FMN1: variants seen among roughly 807,000 people sequenced by gnomAD.
The protein encoded by FMN1 is formin 1.
A neutral mutation model predicts 132.4 loss-of-function variants in FMN1; 110 were observed. The observed-to-expected ratio is 0.83, with a 90% confidence interval of 0.71 to 0.97. FMN1 has a LOEUF of 0.97. FMN1 is among the 50% of genes least tolerant of loss of function. The pLI is 0.00. For synonymous variants in FMN1, 722 were observed against 651.7 expected (o/e 1.11, Z -1.64); for missense variants, 1,792 against 1,705.3 (o/e 1.05, Z -0.90).
intron 19 of FMN1, among the ~76,000 whole-genome samples, chr15:32,794,179 A>C (rs201064226): frequency 1.3e-5 from 2 of 148,256 alleles, no homozygotes; most frequent in Admixed American, 6.8e-5. Context: ...AATAAAAAAA[A>C]CAGCCCCCTC....
chr15:32,996,533 G>C (rs1161633154), intron 7 of FMN1, among the ~76,000 whole-genome samples: 3 of 152,180 alleles, frequency 2.0e-5, no homozygotes, highest in Admixed American at 6.5e-5. Flanking sequence ...AGATCTTCCA[G>C]AGGCAGTTCA....
intron 4 of FMN1, among the ~76,000 whole-genome samples, chr15:33,124,707 A>C (rs375668655): frequency 6.6e-6 from 1 of 152,164 alleles, no homozygotes; most frequent in East Asian, 1.9e-4. Flanking sequence ...TGATCCACAA[A>C]GTCTGGAAGG....
intron 6 of FMN1, among the ~76,000 whole-genome samples, chr15:33,061,462 C>T (rs900807095): frequency 2.6e-5 from 4 of 151,644 alleles, no homozygotes; most frequent in Non-Finnish European, 4.4e-5. Context: ...TAAATAAATA[C>T]CATACATTTA....
intron 6 of FMN1, among the ~76,000 whole-genome samples, chr15:33,013,362 T>TA (rs1398184575): frequency 6.6e-6 from 1 of 152,208 alleles, no homozygotes; most frequent in Non-Finnish European, 1.5e-5. Flanking sequence ...TATCAATTGC[T>TA]AAATGTAATA....
chr15:33,154,450 C>T lies in FMN1; in HGVS notation c.465G>A (p.Gly155=), dbSNP rs1964586111. 1.3e-6 allele frequency: 2 copies of T among 1,536,106 alleles called. No homozygotes were observed. The highest frequency in any genetic ancestry group is 2.0e-5 in the Admixed American group (1 of 51,006). The change falls in exon 4 of 21, where the codon GGG becomes GGA. Residue 155 remains glycine, a synonymous_variant. Transcript: ENST00000616417. Reference sequence around the variant, plus strand: ...CACTAGACCTCCGAGGCTTTTTGTTCCCGTGGGTGCTCCTCTTATTGAGAG... The same window carrying T: ...CACTAGACCTCCGAGGCTTTTTGTTTCCGTGGGTGCTCCTCTTATTGAGAG... The part of the protein sequence containing the change: ...VGPLNKRSTH[G]NKKPRRSSGR...
chr15:32,958,191 A>G (rs147445624), intron 9 of FMN1, among the ~76,000 whole-genome samples: 21 of 152,272 alleles, frequency 1.4e-4, no homozygotes, highest in African/African-American at 4.1e-4. Flanking sequence ...TAATTACACA[A>G]TGTAGGAAAT....
intron 16 of FMN1, among the ~76,000 whole-genome samples, chr15:32,885,341 A>C (rs542591657): frequency 6.6e-6 from 1 of 152,194 alleles, no homozygotes; most frequent in South Asian, 2.1e-4. Flanking sequence ...TTTTTTCTTC[A>C]TGAGGCTTCA....
In FMN1 at chr15:33,079,138, C is replaced by T. The variant is rs147827828; in HGVS notation, c.2043+9661G>A. Among the ~76,000 whole-genome samples, 557 of 152,178 alleles carry T rather than the reference C, an allele frequency of 3.7e-3. 3 individuals are homozygous for T. Among genetic ancestry groups the T allele is most frequent in the African/African-American group, 0.013 (520 of 41,492 alleles). ...TCTCTCTGGCTTTGGAAGTATAATA[C>T]AGAGTTTTCTCTGTATATACCCTCA... is the stretch of plus-strand genomic sequence containing the variant. On this transcript the variant is annotated intron_variant, in intron 5 of 20. Transcript: ENST00000616417.
At chr15:32,843,846 G>A (rs1014656933) in intron 17 of FMN1, among the ~76,000 whole-genome samples, 1 of 152,166 alleles carries the variant, frequency 6.6e-6, no homozygotes, top group Admixed American at 6.5e-5. Context: ...TGAGCACTCA[G>A]GTTTTGCTAA....
chr15:32,794,921 C>T (rs1595929005), intron 19 of FMN1, among the ~76,000 whole-genome samples: 2 of 152,154 alleles, frequency 1.3e-5, no homozygotes, highest in Non-Finnish European at 2.9e-5. Context: ...TAGGATCAGG[C>T]GTGGTGGCTC....
intron 9 of FMN1, among the ~76,000 whole-genome samples, chr15:32,946,526 G>A (rs762696039): frequency 3.3e-5 from 5 of 152,132 alleles, no homozygotes; most frequent in Non-Finnish European, 5.9e-5. Context: ...TTGCAACAAG[G>A]GAATAGCCTT....
rs983779727 is a variant in FMN1 at position 32,766,310 on chromosome 15, G to A, written c.*8000C>T. The A allele has an allele frequency of 6.6e-6, 1 of 152,194 alleles. No individual in the cohort carries two copies. The highest frequency in any genetic ancestry group is 2.4e-5 in the African/African-American group (1 of 41,448). The allele number at this position is 152,194 out of a possible 1,614,324, so 9.4% of individuals were successfully genotyped here. A position where few individuals can be genotyped will look rare whatever the true frequency, so the allele number is the denominator to read the frequency against. ...GTAGATGTTTGAATCATGAATAGTA[G>A]TAAGAATGGAGCGGCAATAAAAATC... On this transcript the variant is annotated 3_prime_UTR_variant, in exon 21 of 21. Transcript: ENST00000616417.
At chr15:33,191,031 G>A (rs147194697) in intron 2 of FMN1, among the ~76,000 whole-genome samples, 2,310 of 152,198 alleles carry the variant, frequency 0.015, 61 homozygotes, top group African/African-American at 0.053. Flanking sequence ...TTAGCCAGGC[G>A]TGGTGGTGGG....
At chr15:32,838,581 G>GCCCGCTTAAAGC (rs956361143) in intron 17 of FMN1, among the ~76,000 whole-genome samples, 1 of 152,220 alleles carries the variant, frequency 6.6e-6, no homozygotes, top group African/African-American at 2.4e-5. Flanking sequence ...CAACACACAT[G>GCCCGCTTAAAGC]CCCGCTTAAA....
At chr15:32,898,061 T>G (rs907133716) in intron 15 of FMN1, among the ~76,000 whole-genome samples, 1 of 152,112 alleles carries the variant, frequency 6.6e-6, no homozygotes, top group African/African-American at 2.4e-5. Context: ...AAGAAAGTAT[T>G]ATGGAGTTCA....
chr15:33,056,898 C>T (rs112531653), intron 6 of FMN1, among the ~76,000 whole-genome samples: 48 of 152,254 alleles, frequency 3.2e-4, no homozygotes, highest in African/African-American at 1.0e-3. Flanking sequence ...GAAACTAGGC[C>T]GGGCACAGTG....
At chr15:32,974,576 G>A (rs1459365406) in intron 7 of FMN1, among the ~76,000 whole-genome samples, 1 of 152,166 alleles carries the variant, frequency 6.6e-6, no homozygotes, top group Non-Finnish European at 1.5e-5. Context: ...CACCTGGAGA[G>A]TTTTGTGGAT....
intron 6 of FMN1, chr15:33,063,977 C>T (rs1438578578): frequency 6.6e-6 from 1 of 152,092 alleles, no homozygotes; most frequent in Non-Finnish European, 1.5e-5. Flanking sequence ...AAAGAAAATG[C>T]TATGAAGTAA....
At chr15:32,900,416 A>G (rs1044709756) in intron 13 of FMN1, among the ~76,000 whole-genome samples, 16 of 152,216 alleles carry the variant, frequency 1.1e-4, no homozygotes, top group Admixed American at 5.2e-4. Flanking sequence ...AATTTTTAAT[A>G]CTTATTTTAA....
Sources: allele counts gnomAD v4.1 joint callset (sites outside exome capture counted in the v4.1 genomes callset), GRCh38; gene constraint gnomAD v4.1.1; transcripts MANE v1.5; gene names NCBI Gene and HGNC (gene_info 2026-07-23, HGNC 2026-07-21).